The following KALRN variants were observed in gnomAD, a reference collection of about 807,000 sequenced individuals.
KALRN encodes kalirin.
Under a neutral mutation model 353.7 loss-of-function variants are expected in KALRN, and 70 were observed. The ratio of observed to expected loss-of-function variants is 0.20; its 90% confidence interval spans 0.16 to 0.24. KALRN has a LOEUF of 0.24. KALRN is among the 10% of genes least tolerant of loss of function. KALRN has a pLI of 1.00. For missense variants in KALRN, 2,791 were observed against 3,756.7 expected, an observed-to-expected ratio of 0.74 and a Z score of 6.72; for synonymous variants, 1,391 against 1,434.8, an observed-to-expected ratio of 0.97 and a Z score of 0.69.
rs1299145342 is a variant in KALRN at position 124,215,513 on chromosome 3, A to T, written c.74-12477A>T. Among the ~76,000 whole-genome samples, 4 of 152,198 alleles carry T rather than the reference A, an allele frequency of 2.6e-5. No individual in the cohort carries two copies. In the East Asian group the frequency reaches 7.7e-4, roughly 29 times the overall value. ...CCCCATGAAAGAGATATCAAGATGA[A>T]CAGAGAAGAGTGAGCATTATGTTTA... On this transcript the variant is annotated intron_variant, in intron 1 of 59. Transcript: ENST00000682506.
chr3:124,254,161 A>G (rs887834505), intron 3 of KALRN, among the ~76,000 whole-genome samples: 1 of 152,142 alleles, frequency 6.6e-6, no homozygotes, highest in Admixed American at 6.5e-5. Flanking sequence ...TCCAAGCCAG[A>G]TTATTTGATG....
rs141371914 is a variant in KALRN at position 124,395,156 on chromosome 3, C to A, written c.1984C>A (p.Leu662Ile). Residue 662 changes from leucine (L) to isoleucine (I), a missense_variant, in exon 12 of 60, where the codon CTT (leucine) becomes ATT (isoleucine). By Grantham distance (5) the Leu-to-Ile change is conservative (BLOSUM62 2). Transcript: ENST00000682506. ...TKELWTWMED[L>I]QKEMLEDVCA... is the part of the protein sequence containing the mutation. ...ACAGTTGTGGACATGGATGGAAGAC[C>A]TTCAGAAGGAGATGTTGGAGGATGT... 1 of 1,613,232 alleles carries A rather than the reference C, an allele frequency of 6.2e-7. No individual in the cohort carries two copies. Among genetic ancestry groups the A allele is most frequent in the East Asian group, 2.2e-5 (1 of 44,868 alleles).
chr3:124,467,487 A>G (rs1474109796), intron 25 of KALRN, among the ~76,000 whole-genome samples: 7 of 152,190 alleles, frequency 4.6e-5, no homozygotes, highest in African/African-American at 1.7e-4. Flanking sequence ...CTCATGGAGA[A>G]GGGGGCATTT....
At chr3:124,303,336 G>A (rs1448574000) in intron 6 of KALRN, among the ~76,000 whole-genome samples, 1 of 152,122 alleles carries the variant, frequency 6.6e-6, no homozygotes, top group Non-Finnish European at 1.5e-5. Context: ...AACCCAGTAG[G>A]AAAATTTTCT....
Position 124,398,702 on chromosome 3 carries a change from C to T in KALRN, c.2177C>T (p.Ser726Leu), listed in dbSNP as rs145790621. Reference sequence around the variant, plus strand: ...TTCTCCCCACTCTGCCACAGGGACTCGGCTGTGTCCAACAACAAAACACCC... The same window carrying T: ...TTCTCCCCACTCTGCCACAGGGACTTGGCTGTGTCCAACAACAAAACACCC... ...SLGEPSEARD[S>L]AVSNNKTPHS... Residue 726 changes from serine to leucine, a missense_variant, in exon 13 of 60, where the codon TCG becomes TTG. Physicochemically the swap from Ser to Leu is moderately radical, Grantham distance 145. This residue lies in a region of KALRN where 452 missense variants were observed against 575.8 expected (regional missense o/e 0.78). Transcript: ENST00000682506. The T allele has an allele frequency of 2.7e-3, 4,435 of 1,614,100 alleles. 8 individuals are homozygous for T. The highest frequency in any genetic ancestry group is 3.2e-3 in the Non-Finnish European group (3,781 of 1,179,988).
Position 124,719,782 on chromosome 3 carries a change from G to A in KALRN, c.*312G>A. On this transcript the variant is annotated 3_prime_UTR_variant, in exon 60 of 60. Transcript: ENST00000682506. The surrounding 1 kb of genome is among the most constrained non-coding windows in gnomAD (Gnocchi z 5.3). Reference sequence around the variant, plus strand: ...ATTTTAACTGTATCTTCCAAAATGAGTGGTTAACTGGGCAAACCTTAAGCT... The same window carrying A: ...ATTTTAACTGTATCTTCCAAAATGAATGGTTAACTGGGCAAACCTTAAGCT... The A allele has an allele frequency of 4.1e-6, 1 of 243,862 alleles. No homozygotes were observed. Among genetic ancestry groups the A allele is most frequent in the Non-Finnish European group, 8.0e-6 (1 of 125,090 alleles). 15.1% of individuals were successfully genotyped at this position (243,862 alleles called of 1,614,324 possible). A position where few individuals can be genotyped will look rare whatever the true frequency, so the allele number is the denominator to read the frequency against.
At chr3:124,372,281 A>G (rs2085944920) in intron 10 of KALRN, among the ~76,000 whole-genome samples, 1 of 152,138 alleles carries the variant, frequency 6.6e-6, no homozygotes, top group South Asian at 2.1e-4. Flanking sequence ...TTCACCATGG[A>G]ATAATTAGGA....
At chr3:124,257,129 C>T (rs1430511111) in intron 3 of KALRN, among the ~76,000 whole-genome samples, 4 of 152,164 alleles carry the variant, frequency 2.6e-5, no homozygotes, top group Non-Finnish European at 4.4e-5. Flanking sequence ...AGTTGTTGTT[C>T]ACCTTGCAGA....
intron 56 of KALRN, among the ~76,000 whole-genome samples, chr3:124,700,846 C>A (rs950564292): frequency 6.6e-6 from 1 of 152,186 alleles, no homozygotes; most frequent in Non-Finnish European, 1.5e-5. Context: ...CCTCTGCCCC[C>A]ACCTGAATCC....
At chr3:124,462,044 T>C (rs2059910259) in intron 24 of KALRN, 88 bp downstream of exon 24, 3 of 934,560 alleles carry the variant, frequency 3.2e-6, no homozygotes, top group Non-Finnish European at 1.7e-6. Flanking sequence ...TTGGTGCTAT[T>C]GGTCTTCTCC....
intron 1 of KALRN, among the ~76,000 whole-genome samples, chr3:124,141,678 G>A (rs1413743922): frequency 6.6e-6 from 1 of 152,200 alleles, no homozygotes; most frequent in East Asian, 1.9e-4. Flanking sequence ...ACAATGAAGG[G>A]TGTTGGTTAG....
chr3:124,395,321 C>G lies in KALRN; in HGVS notation c.2149C>G (p.Leu717Val). ...IQQLRSAPPS[L>V]GEPSEARDSA... Reference sequence around the variant, plus strand: ...GCAGCTCAGGTCAGCGCCTCCCTCCCTCGGGGAGCCCAGCGAGGCCAGGTC... The same window carrying G: ...GCAGCTCAGGTCAGCGCCTCCCTCCGTCGGGGAGCCCAGCGAGGCCAGGTC... Residue 717 changes from leucine to valine, a missense_variant, in exon 12 of 60, where the codon CTC becomes GTC. Physicochemically the swap from Leu to Val is conservative, Grantham distance 32. Transcript: ENST00000682506. The G allele has an allele frequency of 2.5e-6, 4 of 1,613,124 alleles. No homozygotes were observed. Among genetic ancestry groups the G allele is most frequent in the Non-Finnish European group, 3.4e-6 (4 of 1,179,718 alleles).
At chr3:124,082,963 C>T (rs184093062) in intron 1 of KALRN, among the ~76,000 whole-genome samples, 168 of 152,336 alleles carry the variant, frequency 1.1e-3, no homozygotes, top group African/African-American at 3.0e-3. Context: ...CTGAGAGCAC[C>T]CCTTCCTTCT....
intron 1 of KALRN, among the ~76,000 whole-genome samples, chr3:124,122,201 T>G (rs2064107745): frequency 6.6e-6 from 1 of 152,172 alleles, no homozygotes; most frequent in Non-Finnish European, 1.5e-5. Context: ...GCAGTGGAGC[T>G]GGATATACCA....
intron 19 of KALRN, among the ~76,000 whole-genome samples, chr3:124,442,414 A>G (rs1343234107): frequency 2.0e-5 from 3 of 152,214 alleles, no homozygotes; most frequent in African/African-American, 7.2e-5. Flanking sequence ...TTTAACTTGT[A>G]TTTAATATTA....
rs561993099 is a variant in KALRN at position 124,395,544 on chromosome 3, C to T, written c.2171+201C>T. ...AGTAAATGGAAAAGCTTTAATGTTT[C>T]AAAGAATTATTTATCATTCAGGATG... On this transcript the variant is annotated intron_variant, in intron 12 of 59. Coordinates refer to ENST00000682506, the MANE Select transcript of KALRN (RefSeq NM_001388419.1). 2.1e-5 allele frequency: 11 copies of T among 531,798 alleles called. No homozygotes were observed. The East Asian group carries it at 3.0e-4, about 14-fold the overall frequency. The allele number at this position is 531,798 out of a possible 1,614,324, so 32.9% of individuals were successfully genotyped here.
chr3:124,652,741 C>A (rs2083556175), intron 38 of KALRN, among the ~76,000 whole-genome samples: 1 of 152,130 alleles, frequency 6.6e-6, no homozygotes, highest in Admixed American at 6.5e-5. Flanking sequence ...CCGCATCTGG[C>A]TAATTTTTTG....
chr3:124,522,405 T>C (rs1317024435), intron 33 of KALRN, among the ~76,000 whole-genome samples: 1 of 152,150 alleles, frequency 6.6e-6, no homozygotes, highest in Non-Finnish European at 1.5e-5. Flanking sequence ...AACATGTCGC[T>C]GTGGGCCTAG....
intron 33 of KALRN, among the ~76,000 whole-genome samples, chr3:124,552,761 T>A (rs2070702907): frequency 6.6e-6 from 1 of 152,222 alleles, no homozygotes; most frequent in African/African-American, 2.4e-5. Flanking sequence ...GAAATTGATT[T>A]ATTTTTGTTT....
Sources: allele counts gnomAD v4.1 joint callset (sites outside exome capture counted in the v4.1 genomes callset), GRCh38; gene constraint gnomAD v4.1.1; regional missense constraint gnomAD v4.1.1; non-coding constraint Gnocchi (gnomAD v3.1); transcripts MANE v1.5; gene names NCBI Gene and HGNC (gene_info 2026-07-23, HGNC 2026-07-21).